Variants in SPAG1 observed in about 807,000 individuals in gnomAD.
SPAG1 encodes sperm-associated antigen 1.
SPAG1 carries 69 observed loss-of-function variants against 100.5 expected under a neutral mutation model. The ratio of observed to expected loss-of-function variants is 0.69; its 90% CI spans 0.57 to 0.84. The LOEUF (loss-of-function observed/expected upper bound fraction) is 0.84. Ranked by LOEUF, SPAG1 falls within the 40% of genes least tolerant of loss-of-function variation. SPAG1 has a pLI of 0.00. For missense variants in SPAG1, 955 were observed against 1,133.1 expected (o/e 0.84, Z 2.26); for synonymous variants, 336 against 411.6 (o/e 0.82, Z 2.22).
Position 100,194,186 on chromosome 8 carries a change from G to T in SPAG1, c.1014G>T (p.Arg338Ser), listed in dbSNP as rs1310061069. ...AASETQTKGK[R>S]MVIQEIENSE... Reference sequence around the variant, plus strand: ...CTGAGACTCAAACCAAAGGGAAAAGGATGGTTATTCAGGAAATAGAAAACT... The same window carrying T: ...CTGAGACTCAAACCAAAGGGAAAAGTATGGTTATTCAGGAAATAGAAAACT... The change falls in exon 10 of 19, where the codon AGG becomes AGT. Residue 338 changes from arginine to serine, a missense_variant. Physicochemically the swap from Arg to Ser is moderately radical, Grantham distance 110 (BLOSUM62 -1). Coordinates refer to ENST00000388798, the MANE Select transcript of SPAG1 (RefSeq NM_003114.5). 13 of 1,611,928 alleles carry T rather than the reference G, an allele frequency of 8.1e-6. No individual in the cohort carries two copies. Among genetic ancestry groups the T allele is most frequent in the Non-Finnish European group, 1.1e-5 (13 of 1,179,136 alleles).
intron 3 of SPAG1, among the ~76,000 whole-genome samples, chr8:100,167,639 T>G (rs927717937): frequency 3.3e-5 from 5 of 152,244 alleles, no homozygotes; most frequent in African/African-American, 1.2e-4. Context: ...TTCATGAATC[T>G]GTCACTTAAA....
At chr8:100,235,758 C>G (rs148202887) in intron 16 of SPAG1, among the ~76,000 whole-genome samples, 1 of 152,010 alleles carries the variant, frequency 6.6e-6, no homozygotes, top group African/African-American at 2.4e-5. Context: ...CCCGCCAGGA[C>G]CCCCGTGCTG....
At chr8:100,165,277 A>G in intron 2 of SPAG1, 3 of 524,246 alleles carry the variant, frequency 5.7e-6, no homozygotes, top group South Asian at 1.4e-5. Context: ...CATGTTTTAG[A>G]AAAACATTTC....
At chr8:100,229,748 G>A (rs1411023170) in intron 14 of SPAG1, among the ~76,000 whole-genome samples, 1 of 152,214 alleles carries the variant, frequency 6.6e-6, no homozygotes, top group African/African-American at 2.4e-5. Context: ...TGTAATTCTG[G>A]TAATGAGCAG....
intron 12 of SPAG1, among the ~76,000 whole-genome samples, chr8:100,217,721 C>T (rs979458710): frequency 6.6e-6 from 1 of 152,184 alleles, no homozygotes; most frequent in South Asian, 2.1e-4. Flanking sequence ...CCATTGAGGA[C>T]ATTTCAACAG....
chr8:100,179,312 G>A (rs928992455), intron 4 of SPAG1, among the ~76,000 whole-genome samples: 22 of 152,168 alleles, frequency 1.4e-4, no homozygotes, highest in Non-Finnish European at 3.2e-4. Context: ...GAACCTGGGA[G>A]GCAGAGGTTG....
intron 3 of SPAG1, among the ~76,000 whole-genome samples, chr8:100,167,017 C>T (rs1178134359): frequency 6.6e-6 from 1 of 152,078 alleles, no homozygotes; most frequent in Admixed American, 6.6e-5. Flanking sequence ...TACCTTCATA[C>T]ACCACCCCCA....
Position 100,213,380 on chromosome 8 carries a change from G to A in SPAG1, c.1387G>A (p.Glu463Lys). The A allele has an allele frequency of 6.9e-7, 1 of 1,450,540 alleles. No individual in the cohort carries two copies. Among genetic ancestry groups the A allele is most frequent in the Non-Finnish European group, 9.1e-7 (1 of 1,099,894 alleles). 89.9% of individuals were successfully genotyped at this position (1,450,540 alleles called of 1,614,324 possible). ...GCTGTTCCGAAGCGGGCAGTTCGCC[G>A]AGGCGGCCGGCAAGTACTCGGCGGC... is the stretch of plus-strand genomic sequence containing the variant. The part of the protein sequence containing the change: ...NELFRSGQFA[E>K]AAGKYSAAIA... The change falls in exon 11 of 19, where the codon GAG becomes AAG. Residue 463 changes from glutamate (E) to lysine (K), a missense_variant. Glu to Lys is a moderately conservative substitution (Grantham distance 56). Transcript: ENST00000388798.
At chr8:100,202,973 C>T (rs151028180) in intron 10 of SPAG1, among the ~76,000 whole-genome samples, 4 of 152,260 alleles carry the variant, frequency 2.6e-5, no homozygotes, top group Middle Eastern at 3.4e-3. Flanking sequence ...TGCACTCCAG[C>T]CTTGGCGTTT....
intron 15 of SPAG1, 58 bp from the exon 16 acceptor site, chr8:100,233,353 A>G: frequency 1.9e-6 from 3 of 1,597,110 alleles, no homozygotes; most frequent in Non-Finnish European, 1.7e-6. Context: ...GCTGTCTAAA[A>G]CTTACAGATA....
At chr8:100,179,793 A>G (rs1262621916) in intron 4 of SPAG1, among the ~76,000 whole-genome samples, 2 of 152,244 alleles carry the variant, frequency 1.3e-5, no homozygotes, top group African/African-American at 4.8e-5. Context: ...ATTTTGTGAC[A>G]AAGTGAGAAG....
chr8:100,199,336 G>A (rs1817166426), intron 10 of SPAG1, among the ~76,000 whole-genome samples: 1 of 152,190 alleles, frequency 6.6e-6, no homozygotes, highest in Admixed American at 6.5e-5. Flanking sequence ...ACTCCTTACG[G>A]TTTTAATTTG....
chr8:100,219,277 A>G (rs552777808), intron 12 of SPAG1, among the ~76,000 whole-genome samples: 60 of 152,376 alleles, frequency 3.9e-4, no homozygotes, highest in Admixed American at 1.2e-3. Flanking sequence ...TTTCCTGGAA[A>G]GTTAAATACT....
intron 2 of SPAG1, chr8:100,165,533 C>T (rs1354885313): frequency 3.2e-5 from 12 of 370,686 alleles, no homozygotes; most frequent in Non-Finnish European, 6.0e-5. Flanking sequence ...ACCCCACTTC[C>T]TCCACGGTGC....
At chr8:100,203,278 A>G (rs748433863) in intron 10 of SPAG1, among the ~76,000 whole-genome samples, 12 of 152,188 alleles carry the variant, frequency 7.9e-5, no homozygotes, top group Non-Finnish European at 1.3e-4. Flanking sequence ...AAGCTTGCAG[A>G]CAGCCTATTG....
chr8:100,200,965 AT>A (rs562449964), intron 10 of SPAG1, among the ~76,000 whole-genome samples: 15 of 145,906 alleles, frequency 1.0e-4, no homozygotes, highest in East Asian at 6.0e-4. Context: ...ATGAAGTCCA[AT>A]TTTTTTTTTC....
intron 7 of SPAG1, 115 bp downstream of exon 7, chr8:100,184,848 C>T (rs1816521223): frequency 3.1e-6 from 2 of 641,994 alleles, no homozygotes; most frequent in Non-Finnish European, 5.3e-6. Context: ...ATGTATTGTA[C>T]TTGTGATTTA....
At chr8:100,163,476 C>A (rs1457035668) in intron 2 of SPAG1, among the ~76,000 whole-genome samples, 1 of 151,664 alleles carries the variant, frequency 6.6e-6, no homozygotes, top group African/African-American at 2.4e-5. Flanking sequence ...TGGACTTGAG[C>A]AATCCTCCTG....
intron 3 of SPAG1, among the ~76,000 whole-genome samples, chr8:100,172,450 C>T (rs1815903450): frequency 6.6e-6 from 1 of 152,016 alleles, no homozygotes; most frequent in Admixed American, 6.6e-5. Context: ...GAAACCCTGT[C>T]TCTACTAAAA....
Sources: allele counts gnomAD v4.1 joint callset (sites outside exome capture counted in the v4.1 genomes callset), GRCh38; gene constraint gnomAD v4.1.1; transcripts MANE v1.5; gene names NCBI Gene and HGNC (gene_info 2026-07-23, HGNC 2026-07-21).